The following MGMT variants were observed in gnomAD, a reference collection of about 807,000 sequenced individuals.
MGMT encodes the protein O-6-methylguanine-DNA methyltransferase.
A neutral mutation model predicts 15.9 loss-of-function variants in MGMT; 14 were observed. That is an observed-to-expected ratio of 0.88 (90% CI 0.58 to 1.37). The LOEUF is 1.37. MGMT is among the 40% of genes most tolerant of loss of function. The pLI is 0.00. For missense variants in MGMT, 282 were observed against 268.1 expected (o/e 1.05, Z -0.36); for synonymous variants, 130 against 118.2 (o/e 1.10, Z -0.65).
chr10:129,528,150 C>T (rs374923123), intron 1 of MGMT, among the ~76,000 whole-genome samples: 3 of 152,142 alleles, frequency 2.0e-5, no homozygotes, highest in East Asian at 1.9e-4. Flanking sequence ...GCTGAGAAAT[C>T]GTGGGTGCCA....
At chr10:129,621,052 C>T (rs560973778) in intron 2 of MGMT, among the ~76,000 whole-genome samples, 6 of 152,152 alleles carry the variant, frequency 3.9e-5, no homozygotes, top group Non-Finnish European at 8.8e-5. Context: ...GCACTGGCCA[C>T]CTGTAGCTGT....
chr10:129,545,827 C>G (rs1233849287), intron 2 of MGMT, among the ~76,000 whole-genome samples: 1 of 152,174 alleles, frequency 6.6e-6, no homozygotes, highest in Non-Finnish European at 1.5e-5. Context: ...CATTTAAGCT[C>G]TAAACTCTCA....
chr10:129,757,225 C>T (rs542520659), intron 3 of MGMT, among the ~76,000 whole-genome samples: 43 of 152,324 alleles, frequency 2.8e-4, no homozygotes, highest in East Asian at 1.2e-3. Flanking sequence ...CTGTGCTCAT[C>T]TATGGACATA....
intron 1 of MGMT, among the ~76,000 whole-genome samples, chr10:129,514,181 T>G (rs1845713465): frequency 6.6e-6 from 1 of 152,230 alleles, no homozygotes; most frequent in Non-Finnish European, 1.5e-5. Flanking sequence ...TTGTTCGTGT[T>G]TGAAATATAC....
At chr10:129,535,215 C>T (rs989719954) in intron 1 of MGMT, among the ~76,000 whole-genome samples, 2 of 152,030 alleles carry the variant, frequency 1.3e-5, no homozygotes, top group African/African-American at 2.4e-5. Context: ...TGAGTAGCCA[C>T]GAGCTGCTGT....
At chr10:129,698,956 G>T (rs2133133964) in intron 2 of MGMT, among the ~76,000 whole-genome samples, 1 of 152,262 alleles carries the variant, frequency 6.6e-6, no homozygotes, top group South Asian at 2.1e-4. Flanking sequence ...CTTCTTGATA[G>T]AAAAATAAAA....
intron 3 of MGMT, among the ~76,000 whole-genome samples, chr10:129,733,432 T>G (rs1258230135): frequency 6.6e-6 from 1 of 150,538 alleles, no homozygotes; most frequent in Non-Finnish European, 1.5e-5. Context: ...TAAATTTGTT[T>G]GAGTTCATTG....
intron 2 of MGMT, among the ~76,000 whole-genome samples, chr10:129,678,617 T>A: frequency 6.6e-6 from 1 of 152,158 alleles, no homozygotes; most frequent in East Asian, 1.9e-4. Context: ...CACTGTAAGT[T>A]ATTTATCTTG....
intron 2 of MGMT, among the ~76,000 whole-genome samples, chr10:129,538,174 G>T (rs1343669243): frequency 6.6e-6 from 1 of 152,098 alleles, no homozygotes; most frequent in Non-Finnish European, 1.5e-5. Flanking sequence ...AAATTACATA[G>T]AAGTCAGATT....
chr10:129,615,553 A>G (rs1397874943), intron 2 of MGMT, among the ~76,000 whole-genome samples: 1 of 152,178 alleles, frequency 6.6e-6, no homozygotes, highest in Non-Finnish European at 1.5e-5. Flanking sequence ...AACCAAGCAT[A>G]TTCCTGCCTC....
chr10:129,534,807 G>A (rs1296937392), intron 1 of MGMT, among the ~76,000 whole-genome samples: 19 of 151,878 alleles, frequency 1.3e-4, no homozygotes, highest in Admixed American at 1.2e-3. Flanking sequence ...AGAGCAGGAA[G>A]GTGCCAGTGA....
rs920146954 is a variant in MGMT at position 129,566,519 on chromosome 10, G to A, written c.125+30142G>A. ...CATTGTCCTCTCCCACTTCCTCCCC[G>A]AGCTTCCCATTCCGTGTCTCTCTGG... On this transcript the variant is annotated intron_variant, in intron 2 of 4. Coordinates refer to ENST00000651593, the MANE Select transcript of MGMT (RefSeq NM_002412.5). The surrounding 1 kb of genome is among the most constrained non-coding windows in gnomAD (Gnocchi z 4.1). Among the ~76,000 whole-genome samples the A allele has an allele frequency of 2.6e-5, 4 of 152,172 alleles. No individual in the cohort carries two copies. Among genetic ancestry groups the A allele is most frequent in the Admixed American group, 6.5e-5 (1 of 15,284 alleles).
chr10:129,491,488 T>C (rs1845468458), intron 1 of MGMT, among the ~76,000 whole-genome samples: 1 of 152,200 alleles, frequency 6.6e-6, no homozygotes, highest in East Asian at 1.9e-4. Context: ...CTCTCTGTCA[T>C]CTATTGGCAA....
chr10:129,467,488 C>G (rs1845181887), intron 1 of MGMT, 192 bp downstream of exon 1: 2 of 933,110 alleles, frequency 2.1e-6, no homozygotes, highest in Admixed American at 1.2e-4. Flanking sequence ...TTCCCCGGGC[C>G]TGGGGTTCCT....
intron 4 of MGMT, among the ~76,000 whole-genome samples, chr10:129,762,291 A>G (rs777039110): frequency 1.3e-5 from 2 of 152,244 alleles, no homozygotes; most frequent in Non-Finnish European, 2.9e-5. Context: ...GTTAGAAAAC[A>G]TCGTAAAGCT....
intron 1 of MGMT, among the ~76,000 whole-genome samples, chr10:129,472,896 C>T (rs1320220784): frequency 6.6e-6 from 1 of 152,174 alleles, no homozygotes; most frequent in Non-Finnish European, 1.5e-5. Flanking sequence ...CCCTGAAGTC[C>T]TTTTGTCTGT....
In MGMT at chr10:129,491,664, CT is replaced by C. The variant is rs201285840; in HGVS notation, c.-13+24369del. On this transcript the variant is annotated intron_variant, in intron 1 of 4. Transcript: ENST00000651593. Reference sequence around the variant, plus strand: ...TTCTTGACCACAGTTTGGATATTTTCTGCTGAGCTCTCTGGCAGATCACGGA... The same window carrying C: ...TTCTTGACCACAGTTTGGATATTTTCGCTGAGCTCTCTGGCAGATCACGGA... Among the ~76,000 whole-genome samples, 5 of 152,042 alleles carry C rather than the reference CT, an allele frequency of 3.3e-5. No homozygotes were observed. In the East Asian group the frequency reaches 9.6e-4, roughly 29 times the overall value.
intron 3 of MGMT, among the ~76,000 whole-genome samples, chr10:129,715,858 T>C (rs866818955): frequency 1.3e-5 from 2 of 152,246 alleles, no homozygotes; most frequent in East Asian, 1.9e-4. Context: ...GCAATCCTTA[T>C]GTTCAGGCTG....
chr10:129,480,843 G>A (rs1845349987), intron 1 of MGMT, among the ~76,000 whole-genome samples: 1 of 152,234 alleles, frequency 6.6e-6, no homozygotes, highest in Admixed American at 6.5e-5. Context: ...CTGAATAACT[G>A]TTGTTTGTGA....
Sources: gnomAD v4.1 joint callset for allele counts (sites outside exome capture counted in the v4.1 genomes callset) on GRCh38, gnomAD v4.1.1 for gene constraint, Gnocchi (gnomAD v3.1) non-coding constraint, MANE v1.5 for transcripts, NCBI Gene and HGNC (gene_info 2026-07-23, HGNC 2026-07-21) for gene names.